HIVEP3: variants seen among roughly 807,000 people sequenced by gnomAD.
The protein encoded by HIVEP3 is transcription factor HIVEP3.
HIVEP3 carries 49 observed loss-of-function variants against 152.8 expected under a neutral mutation model. The ratio of observed to expected loss-of-function variants is 0.32; its 90% CI spans 0.26 to 0.41. HIVEP3 has a LOEUF of 0.41. Ranked by LOEUF, HIVEP3 falls within the 10% of genes least tolerant of loss-of-function variation. The pLI is 1.00. For synonymous variants in HIVEP3, 1,269 were observed against 1,289.0 expected (o/e 0.98, Z 0.33); for missense variants, 2,790 against 3,103.3 (o/e 0.90, Z 2.40).
chr1:41,888,026 G>A (rs1455577167), intron 1 of HIVEP3, among the ~76,000 whole-genome samples: 1 of 147,678 alleles, frequency 6.8e-6, no homozygotes, highest in Non-Finnish European at 1.5e-5. Flanking sequence ...CTACTGTTAA[G>A]CCCAGCTGAA....
chr1:41,647,224 C>G (rs1453891850), intron 2 of HIVEP3, among the ~76,000 whole-genome samples: 1 of 152,210 alleles, frequency 6.6e-6, no homozygotes, highest in African/African-American at 2.4e-5. Flanking sequence ...GATGCACACA[C>G]CTTTGAGTGG....
chr1:41,757,574 T>C (rs993072164), intron 1 of HIVEP3, among the ~76,000 whole-genome samples: 40 of 151,836 alleles, frequency 2.6e-4, no homozygotes, highest in Admixed American at 1.0e-3. Flanking sequence ...AAAAAACAAA[T>C]AAACAAAAAA....
chr1:42,008,130 G>A (rs61163239), intron 1 of HIVEP3, among the ~76,000 whole-genome samples: 8,634 of 152,186 alleles, frequency 0.057, 849 homozygotes, highest in African/African-American at 0.2. Context: ...CTAGTAAACA[G>A]CACTGAAAAT....
chr1:42,012,516 C>G lies in HIVEP3; in HGVS notation n.119+23291G>C, dbSNP rs139679492. 7.3e-3 allele frequency among the ~76,000 whole-genome samples: 1,114 copies of G among 152,162 alleles called. 7 individuals carry two copies. Among genetic ancestry groups the G allele is most frequent in the Non-Finnish European group, 9.8e-3 (668 of 68,006 alleles). ...GACCAGCCTCACCAACGTGGTGAAACCTCATTTCTACTGAAATACAAAAAT... is the reference window on the plus strand; with the variant it reads ...GACCAGCCTCACCAACGTGGTGAAAGCTCATTTCTACTGAAATACAAAAAT... On this transcript the variant is annotated intron_variant and non_coding_transcript_variant, in intron 1 of 3. Transcript: ENST00000489103.
intron 3 of HIVEP3, among the ~76,000 whole-genome samples, chr1:41,591,893 G>A (rs1035133654): frequency 6.6e-6 from 1 of 152,080 alleles, no homozygotes; most frequent in East Asian, 1.9e-4. Context: ...CCGACCCAAC[G>A]AGAGCGGGCT....
At chr1:41,631,741 G>C (rs1372812972) in intron 2 of HIVEP3, among the ~76,000 whole-genome samples, 1 of 152,094 alleles carries the variant, frequency 6.6e-6, no homozygotes, top group East Asian at 1.9e-4. Context: ...GTCCGAACCA[G>C]CCCAATTTCT....
At chr1:41,611,895 T>C (rs1318313505) in intron 3 of HIVEP3, among the ~76,000 whole-genome samples, 1 of 152,184 alleles carries the variant, frequency 6.6e-6, no homozygotes, top group Non-Finnish European at 1.5e-5. Flanking sequence ...TGAGGTCGGC[T>C]CACCCCAGAG....
At chr1:41,911,258 T>C (rs991861242) in intron 1 of HIVEP3, among the ~76,000 whole-genome samples, 9 of 152,346 alleles carry the variant, frequency 5.9e-5, no homozygotes, top group African/African-American at 9.6e-5. Context: ...TATGAAAAGA[T>C]ACTGACCCTC....
At chr1:41,846,896 A>T (rs759602078) in intron 1 of HIVEP3, among the ~76,000 whole-genome samples, 11 of 152,254 alleles carry the variant, frequency 7.2e-5, no homozygotes, top group Admixed American at 1.3e-4. Flanking sequence ...ATAGCCACAT[A>T]CTAACCCCAA....
chr1:41,518,360 C>T (rs199972196), intron 7 of HIVEP3, 42 bp downstream of exon 7: 221 of 1,533,254 alleles, frequency 1.4e-4, no homozygotes, highest in Middle Eastern at 3.4e-4. Context: ...ATAGGGAAAG[C>T]GGACAAGGGG....
chr1:41,789,250 G>T (rs116078387), intron 1 of HIVEP3, among the ~76,000 whole-genome samples: 1,909 of 152,292 alleles, frequency 0.013, 39 homozygotes, highest in African/African-American at 0.044. Flanking sequence ...GGTGGATGTA[G>T]CCATATGATT....
At chr1:41,850,894 A>G (rs151163277) in intron 1 of HIVEP3, among the ~76,000 whole-genome samples, 155 of 152,222 alleles carry the variant, frequency 1.0e-3, no homozygotes, top group African/African-American at 3.5e-3. Flanking sequence ...CTGAGTTTCA[A>G]CTTGGACCTG....
upstream of HIVEP3, among the ~76,000 whole-genome samples, chr1:41,920,513 T>G (rs1328399870): frequency 1.3e-5 from 2 of 152,178 alleles, no homozygotes; most frequent in Non-Finnish European, 2.9e-5. Context: ...AGAACTTGTT[T>G]TTGACAAAAA....
chr1:42,005,319 A>T (rs988667597), intron 1 of HIVEP3, among the ~76,000 whole-genome samples: 1 of 152,228 alleles, frequency 6.6e-6, no homozygotes, highest in African/African-American at 2.4e-5. Context: ...GTAGGTGTAC[A>T]CACACAGACA....
chr1:41,528,675 TCA>T (rs1643112782), intron 5 of HIVEP3, among the ~76,000 whole-genome samples: 1 of 75,398 alleles, frequency 1.3e-5, no homozygotes, highest in Non-Finnish European at 2.5e-5. Flanking sequence ...ACCTTCACAC[TCA>T]CACCCCTGCC....
Position 41,575,636 on chromosome 1 carries a change from C to T in HIVEP3, c.5115G>A (p.Val1705=). The part of the protein sequence containing the change: ...SPEGQKDLAR[V]EKEEERRGEP... ...CCCCTCTCCTCTCTTCTTCCTTCTC[C>T]ACTCTAGCTAGATCTTTCTGGCCTT... Residue 1705 remains valine, a synonymous_variant, in exon 5 of 9, where the codon GTG becomes GTA. Transcript: ENST00000372583. The T allele has an allele frequency of 6.2e-7, 1 of 1,614,170 alleles. No individual in the cohort carries two copies. The highest frequency in any genetic ancestry group is 1.1e-5 in the South Asian group (1 of 91,086).
chr1:41,883,985 T>C (rs1022479524), intron 1 of HIVEP3, among the ~76,000 whole-genome samples: 9 of 152,228 alleles, frequency 5.9e-5, no homozygotes, highest in Non-Finnish European at 8.8e-5. Flanking sequence ...TCTTTTGAGA[T>C]GGAGTCTCAC....
intron 6 of HIVEP3, among the ~76,000 whole-genome samples, chr1:41,523,790 G>T (rs1217424326): frequency 6.6e-6 from 1 of 152,180 alleles, no homozygotes; most frequent in Admixed American, 6.5e-5. Flanking sequence ...CCCCCAACTT[G>T]CTCAAAGGAG....
Position 41,544,944 on chromosome 1 carries a change from A to T in HIVEP3, c.5208-20034T>A, listed in dbSNP as rs1051925496. On this transcript the variant is annotated intron_variant, in intron 5 of 8. Transcript: ENST00000372583. ...TACCACCACCATCACCACCACCACCACTACCACCTCTACCATCACCACCAC... is the reference window on the plus strand; with the variant it reads ...TACCACCACCATCACCACCACCACCTCTACCACCTCTACCATCACCACCAC... 6.1e-4 allele frequency among the ~76,000 whole-genome samples: 7 copies of T among 11,544 alleles called. 2 individuals are homozygous for T. The highest frequency in any genetic ancestry group is 7.9e-4 in the Non-Finnish European group (5 of 6,350). The allele number at this position is 11,544 out of a possible 152,430, so 7.6% of individuals were successfully genotyped here. A position where few individuals can be genotyped will look rare whatever the true frequency, so the allele number is the denominator to read the frequency against.
Sources: allele counts gnomAD v4.1 joint callset (sites outside exome capture counted in the v4.1 genomes callset), GRCh38; gene constraint gnomAD v4.1.1; transcripts MANE v1.5; gene names NCBI Gene and HGNC (gene_info 2026-07-23, HGNC 2026-07-21).